Variants in COL28A1 observed in about 807,000 individuals in gnomAD.
COL28A1 encodes the protein collagen type XXVIII alpha 1 chain.
Under a neutral mutation model 150.2 loss-of-function variants are expected in COL28A1, and 161 were observed. That is an observed-to-expected ratio of 1.07 (90% CI 0.94 to 1.22). COL28A1 has a LOEUF of 1.22. Among genes scored for constraint, COL28A1 ranks in the 50% most tolerant of loss-of-function variants. The pLI is 0.00. For missense variants in COL28A1, 1,617 were observed against 1,388.3 expected, an observed-to-expected ratio of 1.16 and a Z score of -2.62; for synonymous variants, 552 against 469.7, an observed-to-expected ratio of 1.18 and a Z score of -2.26.
intron 4 of COL28A1, 146 bp from the exon 5 acceptor site, chr7:7,522,107 T>A (rs1781760325): frequency 1.4e-6 from 1 of 695,090 alleles, no homozygotes. Context: ...TATAACCAAC[T>A]GGAGCACTCT....
chr7:7,406,675 G>C (rs1004499046), intron 27 of COL28A1, among the ~76,000 whole-genome samples: 1 of 152,074 alleles, frequency 6.6e-6, no homozygotes, highest in African/African-American at 2.4e-5. Context: ...GAAGGAACCA[G>C]CCATGTCAAA....
At chr7:7,460,331 G>A (rs1049226482) in intron 15 of COL28A1, among the ~76,000 whole-genome samples, 1 of 151,804 alleles carries the variant, frequency 6.6e-6, no homozygotes, top group African/African-American at 2.4e-5. Context: ...TTTTTGAGTG[G>A]GAGCCTAGGG....
chr7:7,388,856 T>A (rs1029207735), intron 27 of COL28A1, among the ~76,000 whole-genome samples: 2 of 152,208 alleles, frequency 1.3e-5, no homozygotes, highest in Non-Finnish European at 1.5e-5. Flanking sequence ...GGGTTGTTTT[T>A]TTCTTGTAAA....
chr7:7,341,525 C>G, the COL28A1 span, among the ~76,000 whole-genome samples: 1 of 152,102 alleles, frequency 6.6e-6, no homozygotes, highest in African/African-American at 2.4e-5. Context: ...ATCCTCCCAT[C>G]TTAGCCTCCG....
chr7:7,399,930 GA>G (rs1783073214), intron 27 of COL28A1, among the ~76,000 whole-genome samples: 1 of 152,232 alleles, frequency 6.6e-6, no homozygotes, highest in Non-Finnish European at 1.5e-5. Flanking sequence ...CAGAACTGCT[GA>G]CCTGTGTGGC....
chr7:7,505,635 A>G lies in COL28A1; in HGVS notation c.1026+379T>C, dbSNP rs544327370. Among the ~76,000 whole-genome samples, 11 of 152,292 alleles carry G rather than the reference A, an allele frequency of 7.2e-5. No homozygotes were observed. In the South Asian group the frequency reaches 2.1e-3, roughly 29 times the overall value. ...ACAACTGTAAATTTCCTTCCCCTAT[A>G]AAGTGTATATTGAGGTGGCATTACA... On this transcript the variant is annotated intron_variant, in intron 11 of 34. Coordinates refer to ENST00000399429, the MANE Select transcript of COL28A1 (RefSeq NM_001037763.3).
In COL28A1 at chr7:7,419,584, A is replaced by G. The variant is rs1020412890; in HGVS notation, c.2067+301T>C. 3.3e-5 allele frequency among the ~76,000 whole-genome samples: 5 copies of G among 152,312 alleles called. No homozygotes were observed. In the East Asian group the frequency reaches 5.8e-4, roughly 18 times the overall value. On this transcript the variant is annotated intron_variant, in intron 26 of 34. Coordinates refer to ENST00000399429, the MANE Select transcript of COL28A1 (RefSeq NM_001037763.3). Reference sequence around the variant, plus strand: ...AAAAGCCACCTGAGGCACCTCTGCCAAAGTAAAGATGTGCTTCTTGATGAC... The same window carrying G: ...AAAAGCCACCTGAGGCACCTCTGCCGAAGTAAAGATGTGCTTCTTGATGAC...
chr7:7,429,518 T>A (rs1784834491), intron 25 of COL28A1, among the ~76,000 whole-genome samples: 1 of 151,606 alleles, frequency 6.6e-6, no homozygotes, highest in Admixed American at 6.6e-5. Flanking sequence ...TTTCCAGAAG[T>A]TTTCTTCAGA....
the COL28A1 span, among the ~76,000 whole-genome samples, chr7:7,346,654 T>C: frequency 6.6e-6 from 1 of 152,078 alleles, no homozygotes; most frequent in African/African-American, 2.4e-5. Flanking sequence ...GAATTTCCTA[T>C]AGTCATTGAT....
At chr7:7,508,903 G>C (rs748620301) in intron 9 of COL28A1, among the ~76,000 whole-genome samples, 6 of 151,854 alleles carry the variant, frequency 4.0e-5, no homozygotes, top group Non-Finnish European at 7.4e-5. Context: ...GCACAATCTC[G>C]GTCCACTGCA....
the COL28A1 span, among the ~76,000 whole-genome samples, chr7:7,343,837 A>T: frequency 6.6e-6 from 1 of 151,852 alleles, no homozygotes; most frequent in Admixed American, 6.6e-5. Context: ...GTGAGACTTG[A>T]TCTCTACAAA....
intron 27 of COL28A1, among the ~76,000 whole-genome samples, chr7:7,396,274 G>T (rs1045485799): frequency 1.3e-5 from 2 of 152,150 alleles, no homozygotes; most frequent in Non-Finnish European, 2.9e-5. Context: ...GTGTGCCCAT[G>T]TGCAAAGAAT....
At chr7:7,396,423 C>A (rs1029669802) in intron 27 of COL28A1, among the ~76,000 whole-genome samples, 1 of 152,174 alleles carries the variant, frequency 6.6e-6, no homozygotes, top group Non-Finnish European at 1.5e-5. Context: ...GGTTTTCATT[C>A]CCTAATACTA....
intron 15 of COL28A1, among the ~76,000 whole-genome samples, chr7:7,472,773 A>G (rs1404339217): frequency 6.6e-6 from 1 of 152,218 alleles, no homozygotes; most frequent in Non-Finnish European, 1.5e-5. Context: ...ATTTCAAACT[A>G]CACTATAAGG....
chr7:7,480,131 C>T (rs1319459444), intron 13 of COL28A1, among the ~76,000 whole-genome samples: 1 of 151,996 alleles, frequency 6.6e-6, no homozygotes, highest in African/African-American at 2.4e-5. Context: ...CTCCTCAAGC[C>T]CAGTAGCAGA....
intron 13 of COL28A1, among the ~76,000 whole-genome samples, chr7:7,483,726 A>G (rs1173570763): frequency 1.3e-5 from 2 of 152,206 alleles, no homozygotes; most frequent in African/African-American, 2.4e-5. Context: ...AACTTCCTCA[A>G]GAATGTCAAA....
intron 27 of COL28A1, among the ~76,000 whole-genome samples, chr7:7,393,328 T>C (rs1386552628): frequency 6.6e-6 from 1 of 152,230 alleles, no homozygotes; most frequent in Non-Finnish European, 1.5e-5. Context: ...TTCAATCCTC[T>C]GGAAGCTTCG....
intron 15 of COL28A1, among the ~76,000 whole-genome samples, chr7:7,460,288 G>C (rs1156424254): frequency 6.6e-6 from 1 of 152,102 alleles, no homozygotes; most frequent in Non-Finnish European, 1.5e-5. Flanking sequence ...TCTTAAATGA[G>C]TTTTCTGATT....
In COL28A1 at chr7:7,517,804, C is replaced by G. The variant is rs1216080426; in HGVS notation, c.847G>C (p.Gly283Arg). 2.5e-6 allele frequency: 4 copies of G among 1,613,626 alleles called. No individual in the cohort carries two copies. The highest frequency in any genetic ancestry group is 3.4e-6 in the Non-Finnish European group (4 of 1,179,724). ...TCCAGTTGTGTACATACCCCTGGAC[C>G]TCTTTCTCCAGCTTCTCCTTTTTGA... ...NAQKGEAGER[G>R]PGGIPGYKGD... Residue 283 changes from glycine to arginine, a missense_variant, in exon 7 of 35, where the codon GGT becomes CGT. By Grantham distance (125) the Gly-to-Arg change is moderately radical. Transcript: ENST00000399429.
Sources: gnomAD v4.1 joint callset for allele counts (sites outside exome capture counted in the v4.1 genomes callset) on GRCh38, gnomAD v4.1.1 for gene constraint, MANE v1.5 for transcripts, NCBI Gene and HGNC (gene_info 2026-07-23, HGNC 2026-07-21) for gene names.